The following DMD variants were observed in gnomAD, a reference collection of about 807,000 sequenced individuals.
DMD encodes the protein mutant dystrophin.
Under a neutral mutation model 330.1 loss-of-function variants are expected in DMD, and 63 were observed. The ratio of observed to expected loss-of-function variants is 0.19; its 90% CI spans 0.16 to 0.24. DMD has a LOEUF of 0.24. Among genes scored for constraint, DMD ranks in the 10% least tolerant of loss-of-function variants. The pLI, the probability that DMD is intolerant of heterozygous loss-of-function variation, is 1.00. For synonymous variants in DMD, 1,223 were observed against 959.8 expected (o/e 1.27, Z -5.07); for missense variants, 3,344 against 2,684.1 (o/e 1.25, Z -5.43).
At chrX:33,067,439 T>C (rs1389152385) in intron 1 of DMD, among the ~76,000 whole-genome samples, 2 of 112,761 alleles carry the variant, frequency 1.8e-5, no homozygotes, top group East Asian at 5.6e-4. Context: ...AAAGAGGTGA[T>C]TTTCTTAGAA....
chrX:31,400,003 G>C (rs2061118187), intron 60 of DMD, among the ~76,000 whole-genome samples: 2 of 111,820 alleles, frequency 1.8e-5, no homozygotes, highest in African/African-American at 6.5e-5. Flanking sequence ...GTAAATGCAA[G>C]GTGCAAAACA....
intron 44 of DMD, among the ~76,000 whole-genome samples, chrX:32,060,193 C>G (rs1478633518): frequency 1.8e-5 from 2 of 111,403 alleles, no homozygotes; most frequent in Non-Finnish European, 3.8e-5. Flanking sequence ...AGCGGTGACA[C>G]AGGACTGTAA....
At chrX:31,238,189 C>G (rs2047920560) in intron 63 of DMD, among the ~76,000 whole-genome samples, 1 of 111,583 alleles carries the variant, frequency 9.0e-6, no homozygotes, top group African/African-American at 3.3e-5. Context: ...CTTCTTTCTC[C>G]TCTCAGTGGC....
rs201931479 is a variant in DMD at position 31,139,472 on chromosome X, T to TACACACACAC, written c.10922-5279_10922-5278insGTGTGTGTGT. Among the ~76,000 whole-genome samples the TACACACACAC allele has an allele frequency of 1.4e-3, 116 of 83,473 alleles. 1 individual carries two copies. The highest frequency in any genetic ancestry group is 4.7e-3 in the African/African-American group (105 of 22,451). 72.5% of individuals were successfully genotyped at this position (83,473 alleles called of 115,157 possible). A position where few individuals can be genotyped will look rare whatever the true frequency, so the allele number is the denominator to read the frequency against. ...AAATGCAGTATGTACGTGGTGTTTA[T>TACACACACAC]ATACACACACACACACACACACACA... On this transcript the variant is annotated intron_variant, in intron 76 of 78. Transcript: ENST00000357033.
At chrX:32,931,098 A>G (rs2089551642) in intron 2 of DMD, among the ~76,000 whole-genome samples, 1 of 109,097 alleles carries the variant, frequency 9.2e-6, no homozygotes, top group Non-Finnish European at 1.9e-5. Context: ...ATATATATTC[A>G]TATGATTCAT....
intron 29 of DMD, among the ~76,000 whole-genome samples, chrX:32,418,798 C>T (rs1196188183): frequency 9.3e-6 from 1 of 107,928 alleles, no homozygotes; most frequent in Admixed American, 1.0e-4. Context: ...ACGGTGAAAC[C>T]CTGTTTCTAC....
intron 1 of DMD, among the ~76,000 whole-genome samples, chrX:33,039,041 A>C (rs765982161): frequency 8.9e-6 from 1 of 112,191 alleles, no homozygotes; most frequent in Non-Finnish European, 1.9e-5. Context: ...ATTTTATAGT[A>C]AATGAAGAAA....
intron 9 of DMD, among the ~76,000 whole-genome samples, chrX:32,646,914 T>C (rs1247305696): frequency 9.0e-6 from 1 of 111,213 alleles, no homozygotes. Context: ...AAAGGGCTAT[T>C]TGCATGGAAC....
intron 47 of DMD, among the ~76,000 whole-genome samples, chrX:31,903,544 A>G (rs746109092): frequency 1.8e-5 from 2 of 112,414 alleles, no homozygotes; most frequent in South Asian, 3.6e-4. Flanking sequence ...CATTTTCACA[A>G]TAAATGCTGT....
intron 1 of DMD, among the ~76,000 whole-genome samples, chrX:33,277,756 A>T (rs141006558): frequency 0.023 from 2,521 of 111,121 alleles, 85 homozygotes; most frequent in African/African-American, 0.079. Flanking sequence ...AAGGTGGAGG[A>T]GTTCACAAGC....
intron 44 of DMD, among the ~76,000 whole-genome samples, chrX:32,157,257 T>C (rs2096833829): frequency 8.9e-6 from 1 of 112,083 alleles, no homozygotes; most frequent in Non-Finnish European, 1.9e-5. Context: ...CATCTCCAAG[T>C]TATGAACATC....
intron 50 of DMD, among the ~76,000 whole-genome samples, chrX:31,815,358 G>T (rs2092593348): frequency 9.1e-6 from 1 of 110,290 alleles, no homozygotes; most frequent in Non-Finnish European, 1.9e-5. Flanking sequence ...GCTGAGGCAG[G>T]AGAACCGCTT....
Position 31,449,791 on chromosome X carries a change from T to TAGATAGATAG in DMD, c.8938-5165_8938-5164insCTATCTATCT, listed in dbSNP as rs1164127132. Among the ~76,000 whole-genome samples the TAGATAGATAG allele has an allele frequency of 6.2e-3, 549 of 88,201 alleles. 9 individuals carry two copies. Among genetic ancestry groups the TAGATAGATAG allele is most frequent in the African/African-American group, 0.023 (511 of 22,008 alleles). The allele number at this position is 88,201 out of a possible 115,157, so 76.6% of individuals were successfully genotyped here. Reference sequence around the variant, plus strand: ...ATATATATATATATATATATATATATATATATAGATAGATAGATAGATAGA... The same window carrying TAGATAGATAG: ...ATATATATATATATATATATATATATAGATAGATAGATATATAGATAGATAGATAGATAGA... On this transcript the variant is annotated intron_variant, in intron 59 of 78. Coordinates refer to ENST00000357033, the MANE Select transcript of DMD (RefSeq NM_004006.3).
intron 44 of DMD, among the ~76,000 whole-genome samples, chrX:32,034,055 T>C (rs1489686628): frequency 8.9e-6 from 1 of 111,742 alleles, no homozygotes; most frequent in Non-Finnish European, 1.9e-5. Context: ...TCCGAAGGCA[T>C]TATTATTCCT....
chrX:32,751,630 G>A (rs752859235), intron 7 of DMD, among the ~76,000 whole-genome samples: 9 of 112,704 alleles, frequency 8.0e-5, no homozygotes, highest in African/African-American at 2.9e-4. Context: ...CACGCCCACT[G>A]CAGAAATTTG....
chrX:33,223,819 G>A (rs923196784), intron 1 of DMD, among the ~76,000 whole-genome samples: 9 of 111,908 alleles, frequency 8.0e-5, no homozygotes, highest in African/African-American at 2.9e-4. Context: ...GAGAATATTT[G>A]CAAAAGACAT....
chrX:31,652,524 C>T (rs1478030020), intron 54 of DMD, among the ~76,000 whole-genome samples: 1 of 111,497 alleles, frequency 9.0e-6, no homozygotes, highest in Non-Finnish European at 1.9e-5. Flanking sequence ...GTGTCGATGG[C>T]AGATGATATT....
chrX:32,795,860 C>A (rs1274641888), intron 7 of DMD, among the ~76,000 whole-genome samples: 1 of 111,598 alleles, frequency 9.0e-6, no homozygotes, highest in African/African-American at 3.3e-5. Context: ...AAATGCTCAA[C>A]ATCACTAATC....
At chrX:32,356,606 G>T (rs935890436) in intron 37 of DMD, among the ~76,000 whole-genome samples, 2 of 102,472 alleles carry the variant, frequency 2.0e-5, no homozygotes, top group Non-Finnish European at 4.0e-5. Context: ...TCTTAGTAAA[G>T]GATCAAAGTC....
Sources: gnomAD v4.1 joint callset for allele counts (sites outside exome capture counted in the v4.1 genomes callset) on GRCh38, gnomAD v4.1.1 for gene constraint, MANE v1.5 for transcripts, NCBI Gene and HGNC (gene_info 2026-07-23, HGNC 2026-07-21) for gene names.